The following OPCML variants were observed in gnomAD, a reference collection of about 807,000 sequenced individuals.
OPCML encodes opioid binding protein/cell adhesion molecule like.
Under a neutral mutation model 37.8 loss-of-function variants are expected in OPCML, and 13 were observed. The ratio of observed to expected loss-of-function variants is 0.34; its 90% CI spans 0.22 to 0.55. The LOEUF (loss-of-function observed/expected upper bound fraction) is 0.55. Ranked by LOEUF, OPCML falls within the 20% of genes least tolerant of loss-of-function variation. The pLI, the probability that OPCML is intolerant of heterozygous loss-of-function variation, is 0.91. For synonymous variants in OPCML, 176 were observed against 168.8 expected (o/e 1.04, Z -0.33); for missense variants, 341 against 435.6 (o/e 0.78, Z 1.93).
At chr11:132,693,643 C>T (rs1170906796) in intron 2 of OPCML, among the ~76,000 whole-genome samples, 1 of 152,144 alleles carries the variant, frequency 6.6e-6, no homozygotes, top group Non-Finnish European at 1.5e-5. Context: ...CCTGGGTAAG[C>T]AATCAGCTCC....
At chr11:132,677,168 G>A (rs3019857) in intron 2 of OPCML, among the ~76,000 whole-genome samples, 82,637 of 151,702 alleles carry the variant, frequency 0.54, 22,784 homozygotes, top group African/African-American at 0.62. Flanking sequence ...CCCAAAATGA[G>A]ATACTTAGAT....
chr11:133,281,861 C>G (rs529856221), intron 1 of OPCML, among the ~76,000 whole-genome samples: 23 of 152,140 alleles, frequency 1.5e-4, no homozygotes, highest in Non-Finnish European at 2.8e-4. Context: ...TAGCAAAGAG[C>G]TTGACTGTAC....
chr11:133,215,217 T>TGAGA (rs139928448), intron 1 of OPCML, among the ~76,000 whole-genome samples: 2,813 of 150,890 alleles, frequency 0.019, 88 homozygotes, highest in African/African-American at 0.063. Flanking sequence ...TGTGTGTGTG[T>TGAGA]GAGAGAGAGA....
intron 1 of OPCML, among the ~76,000 whole-genome samples, chr11:133,381,664 G>A (rs527635048): frequency 4.2e-4 from 64 of 152,276 alleles, no homozygotes; most frequent in Non-Finnish European, 7.4e-4. Flanking sequence ...GAGACAGAAG[G>A]AGTGACCAGA....
At chr11:132,757,352 T>C (rs992647257) in intron 2 of OPCML, among the ~76,000 whole-genome samples, 1 of 152,214 alleles carries the variant, frequency 6.6e-6, no homozygotes, top group Non-Finnish European at 1.5e-5. Context: ...TACTTCTGGT[T>C]CTAGATCCTT....
intron 1 of OPCML, chr11:133,004,328 G>A: frequency 1.0e-6 from 1 of 985,404 alleles, no homozygotes; most frequent in Middle Eastern, 5.2e-4. Context: ...TTATTTTGTG[G>A]GTCCTTTGGA....
chr11:133,241,470 C>T (rs1940728030), intron 1 of OPCML, among the ~76,000 whole-genome samples: 1 of 152,218 alleles, frequency 6.6e-6, no homozygotes, highest in African/African-American at 2.4e-5. Context: ...TTGGCATATG[C>T]TTCCAGCATA....
intron 1 of OPCML, among the ~76,000 whole-genome samples, chr11:133,231,022 G>A (rs1177067844): frequency 6.6e-6 from 1 of 152,090 alleles, no homozygotes; most frequent in African/African-American, 2.4e-5. Context: ...TAATAATAAG[G>A]GGCTGTCTGC....
At chr11:133,180,658 G>A (rs919660718) in intron 1 of OPCML, among the ~76,000 whole-genome samples, 3 of 152,050 alleles carry the variant, frequency 2.0e-5, no homozygotes, top group Non-Finnish European at 4.4e-5. Context: ...GGGAGGAGGG[G>A]CTGTGAGTAG....
At chr11:132,950,188 A>T (rs1945828596) in intron 1 of OPCML, among the ~76,000 whole-genome samples, 1 of 152,212 alleles carries the variant, frequency 6.6e-6, no homozygotes. Context: ...GTGATTGAAA[A>T]GTTTTGCACA....
At chr11:132,909,866 A>C (rs766738674) in intron 2 of OPCML, among the ~76,000 whole-genome samples, 1 of 152,260 alleles carries the variant, frequency 6.6e-6, no homozygotes, top group Non-Finnish European at 1.5e-5. Context: ...CTGCATTTAA[A>C]GAGTAATGAC....
At chr11:133,375,649 C>T (rs1339654639) in intron 1 of OPCML, among the ~76,000 whole-genome samples, 1 of 152,084 alleles carries the variant, frequency 6.6e-6, no homozygotes, top group African/African-American at 2.4e-5. Flanking sequence ...CTGCCTTCTC[C>T]TTGTACTTAC....
At chr11:132,745,671 A>G (rs937505075) in intron 2 of OPCML, among the ~76,000 whole-genome samples, 1 of 151,368 alleles carries the variant, frequency 6.6e-6, no homozygotes, top group Non-Finnish European at 1.5e-5. Context: ...CTTCCCAACC[A>G]CTTCCCTGGC....
chr11:132,943,102 C>T lies in OPCML; in HGVS notation c.62-92G>A. 2 of 1,614,092 alleles carry T rather than the reference C, an allele frequency of 1.2e-6. No individual in the cohort carries two copies. Among genetic ancestry groups the T allele is most frequent in the Non-Finnish European group, 1.7e-6 (2 of 1,179,984 alleles). ...ACCCACAGACCCCCATTCTCGACAG[C>T]CACAACTTCCCAGGACTCCGGCAGC... On this transcript the variant is annotated intron_variant, in intron 1 of 7. Transcript: ENST00000524381. This position sits in a 1 kb window ranked among gnomAD's most constrained non-coding sequence, Gnocchi z 4.3.
chr11:133,201,560 G>A (rs544272775), intron 1 of OPCML, among the ~76,000 whole-genome samples: 1 of 152,252 alleles, frequency 6.6e-6, no homozygotes, highest in East Asian at 1.9e-4. Context: ...GAGAGCAAGA[G>A]GCTGACACCA....
chr11:133,360,261 A>G (rs1225248772), intron 1 of OPCML: 4 of 152,186 alleles, frequency 2.6e-5, no homozygotes, highest in Non-Finnish European at 5.9e-5. Context: ...CAACTCCATA[A>G]CCTCTTTTCT....
chr11:132,568,824 T>A (rs561806118), intron 3 of OPCML, among the ~76,000 whole-genome samples: 1 of 152,324 alleles, frequency 6.6e-6, no homozygotes, highest in Admixed American at 6.5e-5. Context: ...AATCCATTTA[T>A]TTAAAAAGTA....
chr11:132,766,061 T>G (rs564201792), intron 2 of OPCML, among the ~76,000 whole-genome samples: 1 of 151,278 alleles, frequency 6.6e-6, no homozygotes, highest in African/African-American at 2.4e-5. Flanking sequence ...TATAATCTGT[T>G]GAATAGAATA....
chr11:133,495,674 A>T (rs1255104342), intron 1 of OPCML, among the ~76,000 whole-genome samples: 1 of 152,012 alleles, frequency 6.6e-6, no homozygotes, highest in Admixed American at 6.6e-5. Flanking sequence ...GCATTTTTTC[A>T]TATGTCTGTT....
Sources: gnomAD v4.1 joint callset for allele counts (sites outside exome capture counted in the v4.1 genomes callset) on GRCh38, gnomAD v4.1.1 for gene constraint, Gnocchi (gnomAD v3.1) non-coding constraint, MANE v1.5 for transcripts, NCBI Gene and HGNC (gene_info 2026-07-23, HGNC 2026-07-21) for gene names.